Variants in SNTB1 observed in about 807,000 individuals in gnomAD.
SNTB1 encodes the protein beta-1-syntrophin.
In SNTB1, 36 loss-of-function variants were observed where a neutral mutation model predicts 48.9. The ratio of observed to expected loss-of-function variants is 0.74; its 90% CI spans 0.56 to 0.97. The LOEUF (loss-of-function observed/expected upper bound fraction) is 0.97. Ranked by LOEUF, SNTB1 falls within the 50% of genes least tolerant of loss-of-function variation. The pLI is 0.00. For missense variants in SNTB1, 786 were observed against 703.4 expected (o/e 1.12, Z -1.33); for synonymous variants, 299 against 294.6 (o/e 1.01, Z -0.15).
chr8:120,588,488 G>C (rs115985573), intron 3 of SNTB1, among the ~76,000 whole-genome samples: 2,033 of 150,638 alleles, frequency 0.013, 49 homozygotes, highest in African/African-American at 0.047. Flanking sequence ...CACTTATCCT[G>C]CTTTAAACTC....
At chr8:120,641,172 T>C (rs1342701477) in intron 2 of SNTB1, among the ~76,000 whole-genome samples, 2 of 152,196 alleles carry the variant, frequency 1.3e-5, no homozygotes, top group African/African-American at 4.8e-5. Flanking sequence ...GGTGAGTTCA[T>C]TGTCTCCCAA....
intron 3 of SNTB1, among the ~76,000 whole-genome samples, chr8:120,622,389 A>G (rs1414496780): frequency 6.6e-6 from 1 of 152,232 alleles, no homozygotes; most frequent in Non-Finnish European, 1.5e-5. Flanking sequence ...AAATGAATTC[A>G]GCTTACAAAC....
intron 3 of SNTB1, among the ~76,000 whole-genome samples, chr8:120,599,050 G>C (rs1008267413): frequency 1.3e-5 from 2 of 152,140 alleles, no homozygotes; most frequent in African/African-American, 4.8e-5. Context: ...CAGGTTCCAG[G>C]GCTTAGGATC....
intron 1 of SNTB1, among the ~76,000 whole-genome samples, chr8:120,796,059 T>C (rs546472344): frequency 6.6e-6 from 1 of 152,092 alleles, no homozygotes; most frequent in East Asian, 1.9e-4. Flanking sequence ...GGGAAGTGAC[T>C]GGATAATGGG....
At chr8:120,748,517 CA>C (rs1302402941) in intron 1 of SNTB1, among the ~76,000 whole-genome samples, 2 of 152,046 alleles carry the variant, frequency 1.3e-5, no homozygotes, top group African/African-American at 2.4e-5. Flanking sequence ...ATTCATGGAT[CA>C]GGGGGACTTT....
intron 6 of SNTB1, among the ~76,000 whole-genome samples, chr8:120,539,610 A>G (rs775513847): frequency 1.3e-5 from 2 of 152,232 alleles, no homozygotes; most frequent in Non-Finnish European, 2.9e-5. Context: ...AACCTGGCAC[A>G]TGCAAGACTT....
intron 1 of SNTB1, among the ~76,000 whole-genome samples, chr8:120,725,581 T>C (rs1818739573): frequency 6.6e-6 from 1 of 152,206 alleles, no homozygotes; most frequent in South Asian, 2.1e-4. Context: ...CTTTCTTTGT[T>C]TGTTTGTTTT....
At chr8:120,582,754 T>G (rs1816069745) in intron 3 of SNTB1, among the ~76,000 whole-genome samples, 1 of 150,934 alleles carries the variant, frequency 6.6e-6, no homozygotes, top group Non-Finnish European at 1.5e-5. Flanking sequence ...CACTGGGGCC[T>G]GTCGGGGGAT....
chr8:120,583,571 C>A, intron 3 of SNTB1, among the ~76,000 whole-genome samples: 1 of 148,510 alleles, frequency 6.7e-6, no homozygotes, highest in African/African-American at 2.5e-5. Flanking sequence ...AAAACTGGAA[C>A]AGTACTATCT....
chr8:120,750,716 G>A (rs11993293), intron 1 of SNTB1, among the ~76,000 whole-genome samples: 19,738 of 152,072 alleles, frequency 0.13, 1,660 homozygotes, highest in African/African-American at 0.23. Flanking sequence ...ATGCTCATTT[G>A]TTCAGAGAAG....
At position 120,554,839 on chromosome 8, in the gene SNTB1, C is replaced by G. The variant is rs574714974; in HGVS notation, c.1137-5881G>C. Among the ~76,000 whole-genome samples, 117 of 152,258 alleles carry G rather than the reference C, an allele frequency of 7.7e-4. 1 individual carries two copies. Among genetic ancestry groups the G allele is most frequent in the African/African-American group, 2.6e-3 (109 of 41,548 alleles). ...TCCAGCAAAGCAGATAGCAAAGATG[C>G]TGAGACCCGCCAGTTGAAGTTATAG... On this transcript the variant is annotated intron_variant, in intron 4 of 6. Coordinates refer to ENST00000517992, the MANE Select transcript of SNTB1 (RefSeq NM_021021.4).
chr8:120,700,190 T>C (rs1005790026), intron 1 of SNTB1, among the ~76,000 whole-genome samples: 2 of 152,194 alleles, frequency 1.3e-5, no homozygotes, highest in South Asian at 2.1e-4. Context: ...TGTGTGTGTG[T>C]GCGTGTATTT....
At chr8:120,562,724 C>T (rs146369139) in intron 4 of SNTB1, among the ~76,000 whole-genome samples, 56 of 152,080 alleles carry the variant, frequency 3.7e-4, no homozygotes, top group African/African-American at 1.3e-3. Flanking sequence ...GAAAAGAATT[C>T]CTAAAATTTC....
At chr8:120,703,678 C>A (rs1458674753) in intron 1 of SNTB1, among the ~76,000 whole-genome samples, 3 of 152,144 alleles carry the variant, frequency 2.0e-5, no homozygotes, top group Non-Finnish European at 4.4e-5. Context: ...GCCATCGTTG[C>A]ACAAAGAGGT....
intron 1 of SNTB1, among the ~76,000 whole-genome samples, chr8:120,778,519 T>C (rs79922434): frequency 0.026 from 3,951 of 152,196 alleles, 178 homozygotes; most frequent in African/African-American, 0.091. Context: ...AGTAGGACAA[T>C]GAGGAGGAGA....
At chr8:120,753,423 C>T (rs1819256033) in intron 1 of SNTB1, among the ~76,000 whole-genome samples, 1 of 152,190 alleles carries the variant, frequency 6.6e-6, no homozygotes, top group Non-Finnish European at 1.5e-5. Context: ...AAAATCCAAT[C>T]TCCAGTTCAA....
At chr8:120,671,423 T>C (rs764050929) in intron 2 of SNTB1, among the ~76,000 whole-genome samples, 23 of 152,186 alleles carry the variant, frequency 1.5e-4, no homozygotes, top group South Asian at 6.2e-4. Flanking sequence ...CACACAATGA[T>C]ATACACATAC....
rs144467297 is a variant in SNTB1 at position 120,675,697 on chromosome 8, G to C, written c.788+17995C>G. Among the ~76,000 whole-genome samples, 259 of 152,248 alleles carry C rather than the reference G, an allele frequency of 1.7e-3. 4 individuals are homozygous for C. The East Asian group carries it at 0.043, about 26-fold the overall frequency. On this transcript the variant is annotated intron_variant, in intron 2 of 6. Coordinates refer to ENST00000517992, the MANE Select transcript of SNTB1 (RefSeq NM_021021.4). ...ATGCAGGGGAACAAAGGGACTATTTGGTGAGCACTACTCTCTCTGCCACAA... is the reference window on the plus strand; with the variant it reads ...ATGCAGGGGAACAAAGGGACTATTTCGTGAGCACTACTCTCTCTGCCACAA...
chr8:120,564,463 C>A (rs1278860992), intron 4 of SNTB1, among the ~76,000 whole-genome samples: 1 of 151,918 alleles, frequency 6.6e-6, no homozygotes, highest in Non-Finnish European at 1.5e-5. Flanking sequence ...AAAATAAATA[C>A]CTGTTGTTGA....
Sources: allele counts gnomAD v4.1 joint callset (sites outside exome capture counted in the v4.1 genomes callset), GRCh38; gene constraint gnomAD v4.1.1; transcripts MANE v1.5; gene names NCBI Gene and HGNC (gene_info 2026-07-23, HGNC 2026-07-21).